Variants in TENM1 observed in about 807,000 individuals in gnomAD.
TENM1 encodes teneurin transmembrane protein 1.
A neutral mutation model predicts 174.8 loss-of-function variants in TENM1; 35 were observed. That is an observed-to-expected ratio of 0.20 (90% CI 0.15 to 0.27). TENM1 has a LOEUF of 0.27. Ranked by LOEUF, TENM1 falls within the 10% of genes least tolerant of loss-of-function variation. TENM1 has a pLI of 1.00. For missense variants in TENM1, 1,633 were observed against 2,130.1 expected, an observed-to-expected ratio of 0.77 and a Z score of 4.59; for synonymous variants, 781 against 798.7, an observed-to-expected ratio of 0.98 and a Z score of 0.37.
intron 20 of TENM1, among the ~76,000 whole-genome samples, chrX:124,488,219 G>C (rs2266900): frequency 0.057 from 6,362 of 111,940 alleles, 162 homozygotes; most frequent in South Asian, 0.11. Flanking sequence ...AGTCTGCCCA[G>C]AATTAAAAGG....
chrX:124,737,459 G>C (rs769548191), intron 3 of TENM1, among the ~76,000 whole-genome samples: 1 of 111,859 alleles, frequency 8.9e-6, no homozygotes, highest in Admixed American at 9.4e-5. Flanking sequence ...AAATGAGGCC[G>C]CCTCACACCA....
At chrX:124,395,155 T>C (rs1433221878) in intron 27 of TENM1, among the ~76,000 whole-genome samples, 1 of 111,531 alleles carries the variant, frequency 9.0e-6, no homozygotes, top group Non-Finnish European at 1.9e-5. Flanking sequence ...GCATTGAGTA[T>C]TATCAGTTAA....
chrX:124,470,426 C>T (rs1444342452), intron 22 of TENM1, among the ~76,000 whole-genome samples: 1 of 111,021 alleles, frequency 9.0e-6, no homozygotes, highest in Non-Finnish European at 1.9e-5. Context: ...TGGAAGGAAT[C>T]TCAAAAGCCT....
chrX:124,908,336 T>C (rs1184084680), intron 1 of TENM1, among the ~76,000 whole-genome samples: 1 of 110,697 alleles, frequency 9.0e-6, no homozygotes, highest in East Asian at 2.9e-4. Context: ...CCCTACCTCC[T>C]GACAGGCCCC....
At chrX:124,471,186 TATATATTATATAATA>T (rs1205192940) in intron 22 of TENM1, among the ~76,000 whole-genome samples, 4 of 66,124 alleles carry the variant, frequency 6.0e-5, no homozygotes, top group South Asian at 1.5e-3. Context: ...TACTATATAA[TATATATTATATAATA>T]TATAGTACTA....
the TENM1 span, among the ~76,000 whole-genome samples, chrX:125,154,039 A>T: frequency 8.9e-6 from 1 of 112,537 alleles, no homozygotes; most frequent in Non-Finnish European, 1.9e-5. Context: ...TACAAAAAGA[A>T]CAGCAGGATG....
chrX:124,915,278 A>G (rs1445285062), intron 1 of TENM1, among the ~76,000 whole-genome samples: 2 of 112,283 alleles, frequency 1.8e-5, no homozygotes, highest in Non-Finnish European at 3.8e-5. Context: ...TAATCCTAAC[A>G]CTTTGGAAGG....
intron 3 of TENM1, among the ~76,000 whole-genome samples, chrX:124,765,322 T>C (rs1359539591): frequency 1.8e-5 from 2 of 112,151 alleles, no homozygotes; most frequent in Non-Finnish European, 3.8e-5. Flanking sequence ...CTTCGTGCAA[T>C]CGTCCAACAG....
At chrX:124,608,245 C>T (rs1208323957) in intron 11 of TENM1, among the ~76,000 whole-genome samples, 1 of 111,270 alleles carries the variant, frequency 9.0e-6, no homozygotes. Context: ...GAATAAGCTG[C>T]AGTCTTCCTA....
intron 11 of TENM1, among the ~76,000 whole-genome samples, chrX:124,637,229 A>G (rs1193457767): frequency 9.1e-6 from 1 of 109,660 alleles, no homozygotes; most frequent in Non-Finnish European, 1.9e-5. Flanking sequence ...AGATGGGACT[A>G]TGGGCGCACG....
At chrX:124,381,966 A>C (rs948208087) in intron 31 of TENM1, among the ~76,000 whole-genome samples, 3 of 111,380 alleles carry the variant, frequency 2.7e-5, no homozygotes, top group Non-Finnish European at 5.7e-5. Flanking sequence ...AATTTATAGG[A>C]CCTATCTAGA....
chrX:125,004,579 C>A, the TENM1 span, among the ~76,000 whole-genome samples: 1 of 112,016 alleles, frequency 8.9e-6, no homozygotes. Context: ...CAGCATAATA[C>A]TTTTTTGAAT....
chrX:124,689,017 A>G (rs903842432), intron 5 of TENM1, among the ~76,000 whole-genome samples: 1 of 111,967 alleles, frequency 8.9e-6, no homozygotes, highest in African/African-American at 3.2e-5. Context: ...AATATACACA[A>G]TTTTTGTCAT....
Position 124,503,176 on chromosome X carries a change from G to A in TENM1, c.3445+384C>T, listed in dbSNP as rs376383036. On this transcript the variant is annotated intron_variant, in intron 19 of 31. Coordinates refer to ENST00000422452, the Ensembl canonical transcript of TENM1. ...AAAGCTGTATGAAAACACCAGTGACGGGTTTCCCACTAAGATGCAAGAGTA... is the reference window on the plus strand; with the variant it reads ...AAAGCTGTATGAAAACACCAGTGACAGGTTTCCCACTAAGATGCAAGAGTA... Among the ~76,000 whole-genome samples, 17 of 111,571 alleles carry A rather than the reference G, an allele frequency of 1.5e-4. 1 individual carries two copies. Among genetic ancestry groups the A allele is most frequent in the African/African-American group, 3.6e-4 (11 of 30,737 alleles).
intron 1 of TENM1, among the ~76,000 whole-genome samples, chrX:124,957,578 C>CAAAAAAAA (rs1225936775): frequency 3.2e-5 from 1 of 31,032 alleles, no homozygotes; most frequent in African/African-American, 1.1e-4. Flanking sequence ...AACTCCAACT[C>CAAAAAAAA]AAAAAAAAAA....
chrX:125,016,016 G>A, the TENM1 span, among the ~76,000 whole-genome samples: 17 of 111,356 alleles, frequency 1.5e-4, no homozygotes, highest in East Asian at 4.8e-3. Context: ...TCTAAAATTT[G>A]TGTTTTTCTG....
At chrX:124,539,938 T>C in intron 15 of TENM1, among the ~76,000 whole-genome samples, 1 of 111,620 alleles carries the variant, frequency 9.0e-6, no homozygotes, top group Non-Finnish European at 1.9e-5. Context: ...TTCACTTCTA[T>C]AGTTGTTTAA....
At chrX:124,992,011 C>A in the TENM1 span, among the ~76,000 whole-genome samples, 1 of 111,092 alleles carries the variant, frequency 9.0e-6, no homozygotes, top group Non-Finnish European at 1.9e-5. Context: ...AACACACTCA[C>A]AAAAGTCCTT....
chrX:124,405,815 C>G (rs2060456230), intron 26 of TENM1, among the ~76,000 whole-genome samples: 1 of 111,063 alleles, frequency 9.0e-6, no homozygotes, highest in Non-Finnish European at 1.9e-5. Flanking sequence ...CTAAGACATT[C>G]CAAATCCTAT....
Sources: gnomAD v4.1 joint callset for allele counts (sites outside exome capture counted in the v4.1 genomes callset) on GRCh38, gnomAD v4.1.1 for gene constraint, MANE v1.5 for transcripts, NCBI Gene and HGNC (gene_info 2026-07-23, HGNC 2026-07-21) for gene names.